FBXL7: variants seen among roughly 807,000 people sequenced by gnomAD.
FBXL7 encodes F-box/LRR-repeat protein 7.
A neutral mutation model predicts 38.3 loss-of-function variants in FBXL7; 12 were observed. The observed-to-expected ratio is 0.31, with a 90% CI of 0.20 to 0.51. FBXL7 has a LOEUF of 0.51. FBXL7 is among the 20% of genes least tolerant of loss of function. FBXL7 has a pLI of 0.98. For synonymous variants in FBXL7, 297 were observed against 300.9 expected, an observed-to-expected ratio of 0.99 and a Z score of 0.13; for missense variants, 567 against 676.4, an observed-to-expected ratio of 0.84 and a Z score of 1.79.
intron 2 of FBXL7, among the ~76,000 whole-genome samples, chr5:15,631,307 T>C (rs1402671946): frequency 1.3e-5 from 2 of 152,198 alleles, no homozygotes; most frequent in Non-Finnish European, 2.9e-5. Flanking sequence ...AAATGATACA[T>C]GTACATGTGA....
At chr5:15,895,322 CA>C (rs1294634692) in intron 2 of FBXL7, among the ~76,000 whole-genome samples, 1 of 152,010 alleles carries the variant, frequency 6.6e-6, no homozygotes, top group Non-Finnish European at 1.5e-5. Context: ...CTAAAATTGG[CA>C]TTCTATAAAG....
intron 1 of FBXL7, among the ~76,000 whole-genome samples, chr5:15,558,480 C>G (rs1457465841): frequency 6.6e-6 from 1 of 152,212 alleles, no homozygotes; most frequent in Non-Finnish European, 1.5e-5. Context: ...AAAGGAATCA[C>G]ACAGGTGCCA....
chr5:15,589,221 G>T (rs1377954964), intron 1 of FBXL7, among the ~76,000 whole-genome samples: 1 of 152,102 alleles, frequency 6.6e-6, no homozygotes, highest in African/African-American at 2.4e-5. Context: ...ACATCATGCT[G>T]TATATTTGAT....
chr5:15,545,875 C>T (rs1737880455), intron 1 of FBXL7, among the ~76,000 whole-genome samples: 1 of 152,168 alleles, frequency 6.6e-6, no homozygotes, highest in Non-Finnish European at 1.5e-5. Context: ...TTGAGCTACT[C>T]TTTGAATGTT....
Position 15,900,951 on chromosome 5 carries a change from G to A in FBXL7, c.128-26939G>A, listed in dbSNP as rs139066133. ...AATCTTTAGAGCACTCTGGACTCTTGATGAAACCTAAATTCTTCAAAAGTA... is the reference window on the plus strand; with the variant it reads ...AATCTTTAGAGCACTCTGGACTCTTAATGAAACCTAAATTCTTCAAAAGTA... On this transcript the variant is annotated intron_variant, in intron 2 of 3. Coordinates refer to ENST00000504595, the MANE Select transcript of FBXL7 (RefSeq NM_012304.5). Among the ~76,000 whole-genome samples the A allele has an allele frequency of 4.7e-3, 714 of 152,302 alleles. 3 individuals are homozygous for A. Among genetic ancestry groups the A allele is most frequent in the African/African-American group, 0.015 (633 of 41,576 alleles).
intron 2 of FBXL7, among the ~76,000 whole-genome samples, chr5:15,834,182 A>G: frequency 6.6e-6 from 1 of 152,250 alleles, no homozygotes; most frequent in Non-Finnish European, 1.5e-5. Flanking sequence ...TTTCAATATC[A>G]TATAGGTGGA....
chr5:15,507,240 T>A (rs750728567), intron 1 of FBXL7, among the ~76,000 whole-genome samples: 11 of 152,240 alleles, frequency 7.2e-5, no homozygotes, highest in East Asian at 1.9e-4. Flanking sequence ...TTCATTCTGA[T>A]GCAAGTCAGA....
chr5:15,758,141 T>C, intron 2 of FBXL7, among the ~76,000 whole-genome samples: 1 of 152,056 alleles, frequency 6.6e-6, no homozygotes, highest in Non-Finnish European at 1.5e-5. Flanking sequence ...GGCCTCTTTC[T>C]TTACCATCAG....
At chr5:15,817,244 T>C (rs959535250) in intron 2 of FBXL7, among the ~76,000 whole-genome samples, 2 of 152,088 alleles carry the variant, frequency 1.3e-5, no homozygotes, top group Non-Finnish European at 2.9e-5. Context: ...AATAGTCTTT[T>C]AAGGACAAAC....
intron 1 of FBXL7, among the ~76,000 whole-genome samples, chr5:15,596,199 C>T (rs9312897): frequency 0.63 from 95,244 of 152,062 alleles, 30,068 homozygotes; most frequent in South Asian, 0.67. Flanking sequence ...ATGCCAAAAC[C>T]GGGCTAAGGT....
Position 15,682,031 on chromosome 5 carries a change from C to A in FBXL7, c.127+65959C>A, listed in dbSNP as rs146078841. ...TCAGAATACACTAATGGTTATAACA[C>A]ACACCAGCAATATCAGCCACTTAAT... On this transcript the variant is annotated intron_variant, in intron 2 of 3. Coordinates refer to ENST00000504595, the MANE Select transcript of FBXL7 (RefSeq NM_012304.5). Among the ~76,000 whole-genome samples the A allele has an allele frequency of 6.8e-4, 103 of 152,308 alleles. 2 individuals are homozygous for A. In the East Asian group the frequency reaches 0.016, roughly 23 times the overall value.
chr5:15,864,029 A>G lies in FBXL7; in HGVS notation c.128-63861A>G, dbSNP rs1401160167. On this transcript the variant is annotated intron_variant, in intron 2 of 3. Coordinates refer to ENST00000504595, the MANE Select transcript of FBXL7 (RefSeq NM_012304.5). ...TGATGTGCTAAGAATGGATGAAAATAAGATTATCTGTCAGGTCTCTCAGAG... is the reference window on the plus strand; with the variant it reads ...TGATGTGCTAAGAATGGATGAAAATGAGATTATCTGTCAGGTCTCTCAGAG... 2.0e-5 allele frequency among the ~76,000 whole-genome samples: 3 copies of G among 152,102 alleles called. No homozygotes were observed. The East Asian group carries it at 5.8e-4, about 29-fold the overall frequency.
At chr5:15,602,257 G>T (rs748984835) in intron 1 of FBXL7, 4 of 151,942 alleles carry the variant, frequency 2.6e-5, no homozygotes, top group African/African-American at 4.8e-5. Flanking sequence ...GTACTTTACA[G>T]CATGTCACCA....
Position 15,611,311 on chromosome 5 carries a change from CTTTTTTT to C in FBXL7, c.38-4661_38-4655del, listed in dbSNP as rs61608325. Among the ~76,000 whole-genome samples the C allele has an allele frequency of 2.3e-5, 3 of 128,194 alleles. No homozygotes were observed. In the South Asian group the frequency reaches 7.6e-4, roughly 32 times the overall value. The allele number at this position is 128,194 out of a possible 152,430, so 84.1% of individuals were successfully genotyped here. On this transcript the variant is annotated intron_variant, in intron 1 of 3. Transcript: ENST00000504595. ...TCTTTTTGGGGTCCATGTTTTGCCA[CTTTTTTT>C]TTTTTTTTTTGCTTTTTGTACTTTT...
intron 2 of FBXL7, among the ~76,000 whole-genome samples, chr5:15,766,373 G>A (rs996136830): frequency 2.0e-5 from 3 of 152,156 alleles, no homozygotes; most frequent in Non-Finnish European, 4.4e-5. Flanking sequence ...TGAGAACTAG[G>A]AGTATGTCTT....
chr5:15,730,372 T>G (rs1349740874), intron 2 of FBXL7, among the ~76,000 whole-genome samples: 2 of 152,158 alleles, frequency 1.3e-5, no homozygotes, highest in East Asian at 3.8e-4. Context: ...AATCATATCT[T>G]GGCTTCATAT....
intron 1 of FBXL7, among the ~76,000 whole-genome samples, chr5:15,576,875 T>C (rs1334476532): frequency 6.6e-6 from 1 of 152,192 alleles, no homozygotes; most frequent in Non-Finnish European, 1.5e-5. Context: ...GTCTTTCCCA[T>C]TATTTTGTAG....
intron 1 of FBXL7, among the ~76,000 whole-genome samples, chr5:15,532,105 CTTG>C (rs1444644083): frequency 5.3e-5 from 8 of 152,328 alleles, no homozygotes; most frequent in African/African-American, 1.2e-4. Context: ...AAAGTTATCT[CTTG>C]TTGTTAATGA....
At chr5:15,584,042 C>T (rs989305911) in intron 1 of FBXL7, among the ~76,000 whole-genome samples, 6 of 152,216 alleles carry the variant, frequency 3.9e-5, no homozygotes, top group African/African-American at 1.2e-4. Flanking sequence ...GGCTTGCACT[C>T]TCTGAAGCAG....
Sources: allele counts gnomAD v4.1 joint callset (sites outside exome capture counted in the v4.1 genomes callset), GRCh38; gene constraint gnomAD v4.1.1; transcripts MANE v1.5; gene names NCBI Gene and HGNC (gene_info 2026-07-23, HGNC 2026-07-21).